ZDHHC21: variants seen among roughly 807,000 people sequenced by gnomAD.
ZDHHC21 encodes the protein zDHHC palmitoyltransferase 21, also known as palmitoyltransferase ZDHHC21.
ZDHHC21 carries 15 observed loss-of-function variants against 34.6 expected under a neutral mutation model. That is an observed-to-expected ratio of 0.43 (90% CI 0.29 to 0.67). The LOEUF (loss-of-function observed/expected upper bound fraction) is 0.67. Among genes scored for constraint, ZDHHC21 ranks in the 30% least tolerant of loss-of-function variants. ZDHHC21 has a pLI of 0.14. For synonymous variants in ZDHHC21, 142 were observed against 101.8 expected, an observed-to-expected ratio of 1.40 and a Z score of -2.38; for missense variants, 344 against 327.7, an observed-to-expected ratio of 1.05 and a Z score of -0.38.
chr9:14,652,406 C>A (rs1473919513), intron 7 of ZDHHC21, among the ~76,000 whole-genome samples: 2 of 151,860 alleles, frequency 1.3e-5, no homozygotes, highest in African/African-American at 4.8e-5. Flanking sequence ...ACATCTTAGT[C>A]CTTACTTCCT....
intron 7 of ZDHHC21, among the ~76,000 whole-genome samples, chr9:14,649,250 A>G (rs1211125865): frequency 1.3e-5 from 2 of 152,142 alleles, no homozygotes; most frequent in Non-Finnish European, 2.9e-5. Flanking sequence ...ACCTGGAGAC[A>G]GTAAAAATCA....
intron 7 of ZDHHC21, among the ~76,000 whole-genome samples, chr9:14,651,618 T>C (rs547492006): frequency 6.6e-6 from 1 of 151,890 alleles, no homozygotes. Flanking sequence ...AAAGAAAACA[T>C]GTTACCAATA....
At chr9:14,598,675 G>C in the ZDHHC21 span, among the ~76,000 whole-genome samples, 50 of 152,066 alleles carry the variant, frequency 3.3e-4, no homozygotes, top group Admixed American at 2.2e-3. Flanking sequence ...TGAAATATAA[G>C]AGAACACAAT....
At chr9:14,648,730 G>A (rs1471625314) in intron 7 of ZDHHC21, among the ~76,000 whole-genome samples, 2 of 152,000 alleles carry the variant, frequency 1.3e-5, no homozygotes, top group Non-Finnish European at 2.9e-5. Context: ...AGACGAAGGG[G>A]AAGTGAATAG....
intron 1 of ZDHHC21, among the ~76,000 whole-genome samples, chr9:14,690,596 G>C (rs909325744): frequency 6.6e-6 from 1 of 152,256 alleles, no homozygotes; most frequent in African/African-American, 2.4e-5. Flanking sequence ...TAGCACAGAG[G>C]AAAAAGCAGC....
intron 5 of ZDHHC21, among the ~76,000 whole-genome samples, chr9:14,663,860 C>G (rs1174818803): frequency 2.0e-5 from 3 of 152,150 alleles, no homozygotes; most frequent in Non-Finnish European, 2.9e-5. Context: ...CATAGTTAAA[C>G]TAGTACTATT....
At chr9:14,621,686 C>A (rs1264730030) in intron 8 of ZDHHC21, among the ~76,000 whole-genome samples, 3 of 151,996 alleles carry the variant, frequency 2.0e-5, no homozygotes, top group African/African-American at 7.2e-5. Context: ...ATTTTAGCAA[C>A]CAAACATGTC....
At chr9:14,652,829 C>G (rs1456994262) in intron 7 of ZDHHC21, among the ~76,000 whole-genome samples, 3 of 151,960 alleles carry the variant, frequency 2.0e-5, no homozygotes, top group South Asian at 2.1e-4. Flanking sequence ...TGAATAAACA[C>G]TTTCGCCTTA....
chr9:14,619,329 A>C (rs767849244), intron 9 of ZDHHC21, among the ~76,000 whole-genome samples: 5 of 152,152 alleles, frequency 3.3e-5, no homozygotes, highest in African/African-American at 4.8e-5. Context: ...AGCAGAGGAA[A>C]ATCTCAGGAT....
chr9:14,628,200 G>A (rs1201414875), intron 8 of ZDHHC21, among the ~76,000 whole-genome samples: 1 of 152,122 alleles, frequency 6.6e-6, no homozygotes, highest in Non-Finnish European at 1.5e-5. Context: ...CCTTGAAAAT[G>A]AGATTAGAAT....
At chr9:14,626,653 T>G (rs943742170) in intron 8 of ZDHHC21, among the ~76,000 whole-genome samples, 1 of 151,954 alleles carries the variant, frequency 6.6e-6, no homozygotes, top group Non-Finnish European at 1.5e-5. Flanking sequence ...GATAATTTTT[T>G]TAAAAGAGTA....
At chr9:14,693,135 C>T (rs533236723) in intron 1 of ZDHHC21, 94 bp downstream of exon 1, 2 of 196,298 alleles carry the variant, frequency 1.0e-5, no homozygotes, top group East Asian at 2.6e-4. Context: ...CGGGCGGGCC[C>T]GGCAGAGCGG....
downstream of ZDHHC21, among the ~76,000 whole-genome samples, chr9:14,606,136 T>C (rs1038961043): frequency 3.8e-4 from 58 of 152,180 alleles, no homozygotes; most frequent in African/African-American, 1.4e-3. Flanking sequence ...AACATGATGA[T>C]TGGGCAAATT....
the ZDHHC21 span, chr9:14,594,152 T>C: frequency 6.6e-6 from 1 of 152,192 alleles, no homozygotes; most frequent in Non-Finnish European, 1.5e-5. Flanking sequence ...TTTTTTCAGA[T>C]GTAGATAGTT....
At chr9:14,603,380 C>G in the ZDHHC21 span, among the ~76,000 whole-genome samples, 22 of 151,954 alleles carry the variant, frequency 1.4e-4, 1 homozygote, top group East Asian at 4.3e-3. Context: ...ATAGGTAAAT[C>G]CTCCTGAAAT....
intron 5 of ZDHHC21, 110 bp from the exon 6 acceptor site, chr9:14,662,436 G>A: frequency 1.3e-6 from 1 of 743,904 alleles, no homozygotes; most frequent in Non-Finnish European, 2.1e-6. Flanking sequence ...AAAACTCTAA[G>A]AGATTTTTCT....
chr9:14,640,516 T>A (rs1015273283), intron 7 of ZDHHC21, among the ~76,000 whole-genome samples: 1 of 152,126 alleles, frequency 6.6e-6, no homozygotes, highest in Non-Finnish European at 1.5e-5. Flanking sequence ...AAATCATATA[T>A]AATAGGATCA....
chr9:14,679,589 C>CGAAA (rs1837019672), intron 3 of ZDHHC21, among the ~76,000 whole-genome samples: 1 of 152,070 alleles, frequency 6.6e-6, no homozygotes, highest in Admixed American at 6.6e-5. Flanking sequence ...TTTATGTGTT[C>CGAAA]TTCTAAGTTT....
chr9:14,591,976 G>C, the ZDHHC21 span, among the ~76,000 whole-genome samples: 1 of 151,778 alleles, frequency 6.6e-6, no homozygotes, highest in Non-Finnish European at 1.5e-5. Context: ...CATATAGTTG[G>C]ATCTTGCTTT....
Sources: allele counts gnomAD v4.1 joint callset (sites outside exome capture counted in the v4.1 genomes callset), GRCh38; gene constraint gnomAD v4.1.1; transcripts MANE v1.5; gene names NCBI Gene and HGNC (gene_info 2026-07-23, HGNC 2026-07-21).